Variants in UST observed in about 807,000 individuals in gnomAD.
UST encodes the protein chondroitin sulfate 2-O-sulfotransferase.
Under a neutral mutation model 45.6 loss-of-function variants are expected in UST, and 21 were observed. That is an observed-to-expected ratio of 0.46 (90% confidence interval 0.33 to 0.66). UST has a LOEUF of 0.66. Among genes scored for constraint, UST ranks in the 30% least tolerant of loss-of-function variants. The probability of loss-of-function intolerance (pLI) is 0.02; values close to 1 mark genes in which losing one functional copy is unlikely to be tolerated. For missense variants in UST, 463 were observed against 512.4 expected, an observed-to-expected ratio of 0.90 and a Z score of 0.93; for synonymous variants, 215 against 200.6, an observed-to-expected ratio of 1.07 and a Z score of -0.61.
At chr6:148,796,461 TAA>T in intron 1 of UST, among the ~76,000 whole-genome samples, 1 of 151,870 alleles carries the variant, frequency 6.6e-6, no homozygotes. Context: ...CTGTCTCTAC[TAA>T]AAATACAAAA....
intron 1 of UST, among the ~76,000 whole-genome samples, chr6:148,768,980 C>T (rs369092217): frequency 1.4e-4 from 21 of 152,266 alleles, no homozygotes; most frequent in African/African-American, 5.1e-4. Flanking sequence ...TGCTAGCTCT[C>T]AGGCCAGGCA....
intron 4 of UST, among the ~76,000 whole-genome samples, chr6:148,954,899 C>T (rs1465130289): frequency 1.3e-5 from 2 of 152,180 alleles, no homozygotes; most frequent in African/African-American, 4.8e-5. Context: ...TTCTCTTCCC[C>T]AGTCTTTCAT....
chr6:148,829,148 T>C (rs1344941174), intron 1 of UST, among the ~76,000 whole-genome samples: 8 of 65,810 alleles, frequency 1.2e-4, no homozygotes, highest in Admixed American at 9.0e-4. Context: ...CTGGGATGGA[T>C]GGATGGATGG....
intron 1 of UST, among the ~76,000 whole-genome samples, chr6:148,752,294 C>A (rs927407664): frequency 2.0e-5 from 3 of 152,166 alleles, no homozygotes; most frequent in African/African-American, 7.2e-5. Flanking sequence ...TTTTCTTCTG[C>A]ATTTCACACA....
intron 7 of UST, among the ~76,000 whole-genome samples, chr6:149,031,573 C>T (rs1172232499): frequency 3.3e-5 from 5 of 152,150 alleles, no homozygotes; most frequent in East Asian, 1.9e-4. Context: ...GGGATCATCT[C>T]TCCTCCAGGA....
At chr6:149,022,856 G>C (rs2115020732) in intron 7 of UST, among the ~76,000 whole-genome samples, 1 of 152,218 alleles carries the variant, frequency 6.6e-6, no homozygotes, top group Admixed American at 6.5e-5. Context: ...TCTCATTAGA[G>C]TTCAAATCCC....
intron 2 of UST, among the ~76,000 whole-genome samples, chr6:148,908,505 T>C (rs1779410709): frequency 6.6e-6 from 1 of 152,180 alleles, no homozygotes; most frequent in Non-Finnish European, 1.5e-5. Context: ...AAGTCAACCA[T>C]TGCTATCCCA....
intron 1 of UST, among the ~76,000 whole-genome samples, chr6:148,800,912 T>C (rs1240676298): frequency 6.6e-6 from 1 of 152,034 alleles, no homozygotes; most frequent in Non-Finnish European, 1.5e-5. Flanking sequence ...TATATTTAAA[T>C]TATCTAAGAA....
At chr6:148,936,449 A>G (rs1780027831) in intron 2 of UST, among the ~76,000 whole-genome samples, 1 of 152,168 alleles carries the variant, frequency 6.6e-6, no homozygotes, top group African/African-American at 2.4e-5. Flanking sequence ...CTCTTAGAGA[A>G]ATGCACAGCC....
intron 1 of UST, among the ~76,000 whole-genome samples, chr6:148,797,521 A>G (rs1776975664): frequency 1.3e-5 from 2 of 152,338 alleles, no homozygotes; most frequent in Admixed American, 1.3e-4. Context: ...GCATTGTGGT[A>G]TGCATTGGGA....
chr6:148,841,057 A>AAG (rs5880814), intron 1 of UST, among the ~76,000 whole-genome samples: 3 of 150,694 alleles, frequency 2.0e-5, no homozygotes, highest in Non-Finnish European at 4.4e-5. Context: ...AAAAAAAAAA[A>AAG]CCCAACAAAA....
intron 1 of UST, among the ~76,000 whole-genome samples, chr6:148,782,692 A>G (rs1316656300): frequency 6.6e-6 from 1 of 152,052 alleles, no homozygotes; most frequent in African/African-American, 2.4e-5. Flanking sequence ...ATCTCGGGTG[A>G]TCCACCTGCC....
chr6:148,861,949 T>TG (rs138828438), intron 1 of UST, among the ~76,000 whole-genome samples: 109,476 of 152,100 alleles, frequency 0.72, 41,030 homozygotes, highest in East Asian at 0.99. Flanking sequence ...AAGTGTGATG[T>TG]GTGCTGAGAA....
chr6:148,848,989 GAACCTGGAGTCCTCGTGTCC>G (rs949560614), intron 1 of UST, among the ~76,000 whole-genome samples: 64 of 152,238 alleles, frequency 4.2e-4, no homozygotes, highest in African/African-American at 1.4e-3. Context: ...AAAGACCAAG[GAACCTGGAGTCCTCGTGTCC>G]AAGGGCAGGA....
chr6:148,936,573 C>CTTTTTT (rs138494669), intron 2 of UST, among the ~76,000 whole-genome samples: 2 of 85,372 alleles, frequency 2.3e-5, no homozygotes, highest in African/African-American at 4.6e-5. Context: ...AAAATCAGTC[C>CTTTTTT]TTTTTTTTTT....
chr6:149,003,675 A>G (rs182363625), intron 5 of UST, among the ~76,000 whole-genome samples: 2 of 152,366 alleles, frequency 1.3e-5, no homozygotes, highest in East Asian at 3.9e-4. Context: ...TTTTGCACTA[A>G]AATCTGTAGA....
intron 5 of UST, among the ~76,000 whole-genome samples, chr6:148,991,333 C>A (rs1781347778): frequency 6.6e-6 from 1 of 151,960 alleles, no homozygotes; most frequent in African/African-American, 2.4e-5. Flanking sequence ...TGTCATGCCA[C>A]CAATAGAACT....
At chr6:148,991,819 G>A (rs1217877215) in intron 5 of UST, among the ~76,000 whole-genome samples, 1 of 152,046 alleles carries the variant, frequency 6.6e-6, no homozygotes, top group Non-Finnish European at 1.5e-5. Flanking sequence ...ATACATTTAA[G>A]CATATTGCCC....
At chr6:149,003,375 T>C (rs911982706) in intron 5 of UST, among the ~76,000 whole-genome samples, 2 of 151,912 alleles carry the variant, frequency 1.3e-5, no homozygotes, top group African/African-American at 4.9e-5. Context: ...TTATGTAAAA[T>C]TTATGCCCCA....
Sources: gnomAD v4.1 joint callset for allele counts (sites outside exome capture counted in the v4.1 genomes callset) on GRCh38, gnomAD v4.1.1 for gene constraint, MANE v1.5 for transcripts, NCBI Gene and HGNC (gene_info 2026-07-23, HGNC 2026-07-21) for gene names.